PEPD: variants seen among roughly 807,000 people sequenced by gnomAD.
PEPD encodes the protein xaa-Pro dipeptidase.
A neutral mutation model predicts 60.7 loss-of-function variants in PEPD; 53 were observed. The ratio of observed to expected loss-of-function variants is 0.87; its 90% CI spans 0.70 to 1.10. The LOEUF is 1.10. Among genes scored for constraint, PEPD ranks in the 50% least tolerant of loss-of-function variants. PEPD has a pLI of 0.00. For synonymous variants in PEPD, 267 were observed against 284.1 expected, an observed-to-expected ratio of 0.94 and a Z score of 0.60; for missense variants, 711 against 711.9, an observed-to-expected ratio of 1.00 and a Z score of 0.01.
At chr19:33,470,345 A>C (rs1032138896) in intron 7 of PEPD, among the ~76,000 whole-genome samples, 1 of 151,880 alleles carries the variant, frequency 6.6e-6, no homozygotes, top group Non-Finnish European at 1.5e-5. Flanking sequence ...ATGAAGGTAA[A>C]CCTCTAGTAG....
At chr19:33,422,960 A>G (rs1450857209) in intron 9 of PEPD, among the ~76,000 whole-genome samples, 1 of 151,940 alleles carries the variant, frequency 6.6e-6, no homozygotes, top group Non-Finnish European at 1.5e-5. Context: ...CTACTCATCC[A>G]ATACTCTGTC....
At position 33,512,667 on chromosome 19, in the gene PEPD, C is replaced by G. The variant is rs965814680; in HGVS notation, c.127G>C (p.Gly43Arg). The G allele has an allele frequency of 6.2e-7, 1 of 1,613,822 alleles. No homozygotes were observed. The highest frequency in any genetic ancestry group is 1.3e-5 in the African/African-American group (1 of 74,946). The part of the protein sequence containing the change: ...RLRKNPAVQA[G>R]SIVVLQGGEE... The stretch of plus-strand genomic sequence containing the variant: ...CCGCCCTGCAGGACCACGATGGAGC[C>G]GGCCTGCACAGCAGGGTTCTTCCGC... Residue 43 changes from glycine (G) to arginine (R), a missense_variant, in exon 2 of 15, where the codon GGC becomes CGC. Coordinates refer to ENST00000244137, the MANE Select transcript of PEPD (RefSeq NM_000285.4).
intron 6 of PEPD, among the ~76,000 whole-genome samples, chr19:33,486,329 C>A (rs1161337424): frequency 6.6e-6 from 1 of 151,062 alleles, no homozygotes; most frequent in Admixed American, 6.6e-5. Context: ...ACCCCTCCTG[C>A]CAGAGCCCGC....
chr19:33,504,239 G>A (rs1352042649), intron 3 of PEPD, among the ~76,000 whole-genome samples: 2 of 152,246 alleles, frequency 1.3e-5, no homozygotes, highest in Non-Finnish European at 2.9e-5. Flanking sequence ...CCGAAGGCTT[G>A]GCAGCCATGA....
At chr19:33,506,098 C>CCA (rs1179422794) in intron 3 of PEPD, among the ~76,000 whole-genome samples, 2 of 142,700 alleles carry the variant, frequency 1.4e-5, no homozygotes, top group African/African-American at 2.6e-5. Context: ...CCTCAGACAC[C>CCA]CACACACACC....
chr19:33,493,235 TA>T, intron 5 of PEPD, 54 bp downstream of exon 5: 2 of 1,333,830 alleles, frequency 1.5e-6, no homozygotes, highest in Non-Finnish European at 2.2e-6. Flanking sequence ...GTGGCCCCCA[TA>T]AAAACCCTCC....
rs765256652 is a variant in PEPD at position 33,478,056 on chromosome 19, T to C, written c.538A>G (p.Ile180Val). 2 of 1,611,070 alleles carry C rather than the reference T, an allele frequency of 1.2e-6. No homozygotes were observed. Among genetic ancestry groups the C allele is most frequent in the Admixed American group, 3.3e-5 (2 of 59,860 alleles). Reference protein sequence around the residue: ...EVNNTILHPEIVECRVFKTDM... With the variant: ...EVNNTILHPEVVECRVFKTDM... ...ACAGGCCGTACTCACCACTCAACGA[T>C]CTCTGGGTGAAGAATGGTATTGTTG... The change falls in exon 7 of 15, where the codon ATC becomes GTC. Residue 180 changes from isoleucine (I) to valine (V), a missense_variant. By Grantham distance (29) the Ile-to-Val change is conservative. Coordinates refer to ENST00000244137, the MANE Select transcript of PEPD (RefSeq NM_000285.4).
chr19:33,483,572 G>A (rs1463017323), intron 6 of PEPD, among the ~76,000 whole-genome samples: 2 of 152,200 alleles, frequency 1.3e-5, no homozygotes, highest in African/African-American at 4.8e-5. Context: ...CAGTTTGGGA[G>A]GCCAAGGCAG....
chr19:33,466,757 GA>G (rs778343133), intron 7 of PEPD, among the ~76,000 whole-genome samples: 3,417 of 124,972 alleles, frequency 0.027, 118 homozygotes, highest in African/African-American at 0.085. Flanking sequence ...TTGTACTAAT[GA>G]AAAAAAAAAA....
chr19:33,507,649 C>T (rs532670861), intron 3 of PEPD, among the ~76,000 whole-genome samples: 9 of 152,296 alleles, frequency 5.9e-5, no homozygotes, highest in African/African-American at 1.9e-4. Flanking sequence ...AATGTGAAGT[C>T]TGGTGGGTTT....
intron 9 of PEPD, among the ~76,000 whole-genome samples, chr19:33,423,924 TTTAC>T (rs754955485): frequency 2.0e-5 from 3 of 152,252 alleles, no homozygotes; most frequent in Non-Finnish European, 4.4e-5. Context: ...TGTTTGCACA[TTTAC>T]TTAATCAATG....
At chr19:33,489,779 T>C (rs532810044) in intron 6 of PEPD, among the ~76,000 whole-genome samples, 14 of 152,268 alleles carry the variant, frequency 9.2e-5, no homozygotes, top group African/African-American at 2.6e-4. Flanking sequence ...CCTGAGCACT[T>C]TCCTTATGGA....
At chr19:33,440,207 C>A (rs1258999777) in intron 9 of PEPD, among the ~76,000 whole-genome samples, 1 of 152,152 alleles carries the variant, frequency 6.6e-6, no homozygotes, top group Non-Finnish European at 1.5e-5. Flanking sequence ...CTGGACTCTT[C>A]TCCCTGTCTT....
chr19:33,394,482 C>G (rs1200586186), intron 12 of PEPD, among the ~76,000 whole-genome samples: 1 of 152,212 alleles, frequency 6.6e-6, no homozygotes, highest in East Asian at 1.9e-4. Flanking sequence ...TGGCCGGGAG[C>G]AGGGAGTTTC....
intron 11 of PEPD, among the ~76,000 whole-genome samples, chr19:33,409,846 G>A (rs1968722470): frequency 6.6e-6 from 1 of 152,196 alleles, no homozygotes; most frequent in African/African-American, 2.4e-5. Context: ...CCCTCCTTGT[G>A]TCTGAGTTCC....
Position 33,486,873 on chromosome 19 carries a change from G to T in PEPD, c.503+3123C>A, listed in dbSNP as rs540019356. On this transcript the variant is annotated intron_variant, in intron 6 of 14. Transcript: ENST00000244137. ...GCCAGGGGATAAGGGGAGCTGGGGG[G>T]GCCCATCAGGTCAAACCAAGAGGCC... is the stretch of plus-strand genomic sequence containing the variant. 1.2e-4 allele frequency: 18 copies of T among 153,018 alleles called. 1 individual carries two copies. The highest frequency in any genetic ancestry group is 3.3e-3 in the Middle Eastern group (1 of 300). The allele number at this position is 153,018 out of a possible 1,614,324, so 9.5% of individuals were successfully genotyped here.
chr19:33,470,992 T>A (rs963072919), intron 7 of PEPD, among the ~76,000 whole-genome samples: 1 of 152,184 alleles, frequency 6.6e-6, no homozygotes, highest in Non-Finnish European at 1.5e-5. Context: ...CCTATGGTGA[T>A]GAGCAGGAAG....
rs59966788 is a variant in PEPD at position 33,422,818 on chromosome 19, A to ATCTATCTATC, written c.672-9176_672-9175insGATAGATAGA. ...TATCTATCCATCCATCCATCCTTCTATATCTATCTATCTATCTATCCATCT... is the reference window on the plus strand; with the variant it reads ...TATCTATCCATCCATCCATCCTTCTATCTATCTATCTATCTATCTATCTATCTATCCATCT... On this transcript the variant is annotated intron_variant, in intron 9 of 14. Coordinates refer to ENST00000244137, the MANE Select transcript of PEPD (RefSeq NM_000285.4). 1.2e-3 allele frequency among the ~76,000 whole-genome samples: 158 copies of ATCTATCTATC among 131,196 alleles called. 1 individual carries two copies. Among genetic ancestry groups the ATCTATCTATC allele is most frequent in the African/African-American group, 3.8e-3 (148 of 39,092 alleles). 86.1% of individuals were successfully genotyped at this position (131,196 alleles called of 152,430 possible). A position where few individuals can be genotyped will look rare whatever the true frequency, so the allele number is the denominator to read the frequency against.
intron 9 of PEPD, among the ~76,000 whole-genome samples, chr19:33,444,600 T>A (rs1050995291): frequency 2.1e-5 from 3 of 143,070 alleles, no homozygotes; most frequent in Admixed American, 1.4e-4. Context: ...AAACTCACCC[T>A]CCAGCCCCCT....
Sources: gnomAD v4.1 joint callset for allele counts (sites outside exome capture counted in the v4.1 genomes callset) on GRCh38, gnomAD v4.1.1 for gene constraint, MANE v1.5 for transcripts, NCBI Gene and HGNC (gene_info 2026-07-23, HGNC 2026-07-21) for gene names.